Variants in MYL4 observed in about 807,000 individuals in gnomAD.
MYL4 encodes myosin light chain 4.
MYL4 carries 16 observed loss-of-function variants against 21.6 expected under a neutral mutation model. The ratio of observed to expected loss-of-function variants is 0.74; its 90% CI spans 0.50 to 1.12. The LOEUF (loss-of-function observed/expected upper bound fraction) is 1.12. Ranked by LOEUF, MYL4 falls within the 50% of genes most tolerant of loss-of-function variation. The probability of loss-of-function intolerance (pLI) is 0.00; values close to 1 mark genes in which losing one functional copy is unlikely to be tolerated. For synonymous variants in MYL4, 82 were observed against 95.7 expected, an observed-to-expected ratio of 0.86 and a Z score of 0.83; for missense variants, 249 against 252.9, an observed-to-expected ratio of 0.98 and a Z score of 0.11.
intron 2 of MYL4, among the ~76,000 whole-genome samples, chr17:47,219,002 A>G (rs967329423): frequency 1.3e-5 from 2 of 152,194 alleles, no homozygotes; most frequent in Non-Finnish European, 2.9e-5. Flanking sequence ...TATGCTGAAC[A>G]TTGCTTGGCG....
At chr17:47,189,847 A>G in the MYL4 span, among the ~76,000 whole-genome samples, 6 of 152,342 alleles carry the variant, frequency 3.9e-5, no homozygotes, top group Non-Finnish European at 7.3e-5. Flanking sequence ...TCTGTCTTCA[A>G]GGAGATTAAG....
the MYL4 span, among the ~76,000 whole-genome samples, chr17:47,192,588 TGC>T: frequency 2.6e-5 from 4 of 151,334 alleles, no homozygotes; most frequent in African/African-American, 9.7e-5. Context: ...AGGCGGAGCT[TGC>T]GGTGAGCTGA....
intron 1 of MYL4, among the ~76,000 whole-genome samples, chr17:47,200,947 G>A (rs1433116766): frequency 6.6e-6 from 1 of 152,178 alleles, no homozygotes; most frequent in Non-Finnish European, 1.5e-5. Flanking sequence ...CAAGGCAGGT[G>A]GATCACTTGA....
upstream of MYL4, among the ~76,000 whole-genome samples, chr17:47,204,061 C>G (rs1223024634): frequency 6.6e-6 from 1 of 152,220 alleles, no homozygotes; most frequent in Admixed American, 6.5e-5. Context: ...TGCCCCCTTA[C>G]CTGTTTTGAT....
the MYL4 span, among the ~76,000 whole-genome samples, chr17:47,191,338 A>G: frequency 6.6e-6 from 1 of 152,240 alleles, no homozygotes; most frequent in Non-Finnish European, 1.5e-5. Context: ...AGAAAGGGAT[A>G]AGTAAGAGCT....
At chr17:47,193,401 G>A in the MYL4 span, among the ~76,000 whole-genome samples, 1 of 152,126 alleles carries the variant, frequency 6.6e-6, no homozygotes, top group Admixed American at 6.5e-5. Context: ...CTGAGTAGCT[G>A]AATTTACAGG....
chr17:47,206,109 T>C (rs2064727352), upstream of MYL4, among the ~76,000 whole-genome samples: 2 of 152,178 alleles, frequency 1.3e-5, no homozygotes, highest in South Asian at 4.1e-4. Flanking sequence ...GAAAAGGAAA[T>C]GTTTATCCTC....
At chr17:47,208,266 C>T (rs1567744076), upstream of MYL4, among the ~76,000 whole-genome samples, 1 of 151,894 alleles carries the variant, frequency 6.6e-6, no homozygotes, top group Non-Finnish European at 1.5e-5. Flanking sequence ...AAACAAAAAA[C>T]AAAAAAACTC....
chr17:47,192,350 G>A, the MYL4 span, among the ~76,000 whole-genome samples: 23 of 132,786 alleles, frequency 1.7e-4, no homozygotes, highest in South Asian at 1.7e-3. Flanking sequence ...GCAAAACTCC[G>A]TCTCAAAAAA....
downstream of MYL4, among the ~76,000 whole-genome samples, chr17:47,227,022 T>C (rs948389494): frequency 6.6e-6 from 1 of 152,016 alleles, no homozygotes; most frequent in Admixed American, 6.6e-5. Context: ...ACCCAGCTAA[T>C]TTTTTGTATT....
intron 2 of MYL4, among the ~76,000 whole-genome samples, chr17:47,215,811 G>A (rs1187986846): frequency 6.6e-6 from 1 of 152,044 alleles, no homozygotes; most frequent in East Asian, 1.9e-4. Flanking sequence ...TTTATCTTGA[G>A]ACAAGGTCTT....
chr17:47,214,331 T>C (rs1372470731), intron 2 of MYL4, among the ~76,000 whole-genome samples: 1 of 152,196 alleles, frequency 6.6e-6, no homozygotes, highest in Non-Finnish European at 1.5e-5. Flanking sequence ...CAGCTTCCCC[T>C]CTTCCCACCA....
intron 2 of MYL4, 45 bp downstream of exon 2, chr17:47,213,871 T>A (rs1567746762): frequency 6.3e-7 from 1 of 1,597,330 alleles, no homozygotes; most frequent in Admixed American, 1.7e-5. Flanking sequence ...TGCACTTTCC[T>A]GGAGGAGGAG....
At chr17:47,216,693 T>A (rs2064817017) in intron 2 of MYL4, among the ~76,000 whole-genome samples, 1 of 149,910 alleles carries the variant, frequency 6.7e-6, no homozygotes, top group East Asian at 1.9e-4. Context: ...TTTTTTCTTT[T>A]TCTTTCTTTT....
At chr17:47,210,357 A>G (rs1163860102) in intron 1 of MYL4, among the ~76,000 whole-genome samples, 1 of 152,144 alleles carries the variant, frequency 6.6e-6, no homozygotes, top group East Asian at 1.9e-4. Context: ...TCTCTGGCCC[A>G]GCTGCTGAAG....
rs375241929 is a variant in MYL4, at chr17:47,221,774, G to T, written c.406G>T (p.Val136Leu). 1.2e-6 allele frequency: 2 copies of T among 1,614,066 alleles called. No individual in the cohort carries two copies. Among genetic ancestry groups the T allele is most frequent in the Non-Finnish European group, 8.5e-7 (1 of 1,180,016 alleles). The change falls in exon 4 of 7, where the codon GTG becomes TTG. Residue 136 changes from valine (V) to leucine (L), a missense_variant. Physicochemically the swap from Val to Leu is conservative, Grantham distance 32 (BLOSUM62 1). Transcript: ENST00000393450. ...NKEQGTYEDF[V>L]EGLRVFDKES... ...GGAGCAGGGCACCTATGAGGACTTC[G>T]TGGAGGGCCTGCGTGTCTTTGACAA...
intron 1 of MYL4, among the ~76,000 whole-genome samples, chr17:47,212,434 A>G (rs1014413912): frequency 7.2e-5 from 11 of 152,250 alleles, no homozygotes; most frequent in Non-Finnish European, 1.6e-4. Context: ...AGTGGCTTCA[A>G]GGAGACAGAG....
chr17:47,212,456 G>C (rs547428167), intron 1 of MYL4, among the ~76,000 whole-genome samples: 7 of 152,350 alleles, frequency 4.6e-5, no homozygotes, highest in Admixed American at 2.0e-4. Context: ...GCACGTAAAG[G>C]CATGACTGGA....
At chr17:47,209,841 A>G (rs1270083180) in intron 1 of MYL4, 2 of 545,650 alleles carry the variant, frequency 3.7e-6, no homozygotes, top group African/African-American at 3.8e-5. Flanking sequence ...AGGTACAACC[A>G]ACCATCCATC....
Sources: allele counts gnomAD v4.1 joint callset (sites outside exome capture counted in the v4.1 genomes callset), GRCh38; gene constraint gnomAD v4.1.1; transcripts MANE v1.5; gene names NCBI Gene and HGNC (gene_info 2026-07-23, HGNC 2026-07-21).